MRPS27: variants seen among roughly 807,000 people sequenced by gnomAD.
MRPS27 encodes the protein mitochondrial ribosomal protein S27.
In MRPS27, 43 loss-of-function variants were observed where a neutral mutation model predicts 48.9. That is an observed-to-expected ratio of 0.88 (90% CI 0.69 to 1.13). The LOEUF (loss-of-function observed/expected upper bound fraction) is 1.13, where lower values mean the gene tolerates loss of function less well. Ranked by LOEUF, MRPS27 falls within the 50% of genes most tolerant of loss-of-function variation. The pLI is 0.00. For synonymous variants in MRPS27, 188 were observed against 171.9 expected (o/e 1.09, Z -0.73); for missense variants, 467 against 476.3 (o/e 0.98, Z 0.18).
chr5:72,266,620 G>A (rs752087425), intron 4 of MRPS27, among the ~76,000 whole-genome samples: 13 of 152,234 alleles, frequency 8.5e-5, no homozygotes, highest in Non-Finnish European at 1.5e-4. Flanking sequence ...AGCACTTTGG[G>A]AGGCCGAGGT....
At chr5:72,252,448 T>C (rs1382054470) in intron 4 of MRPS27, among the ~76,000 whole-genome samples, 2 of 152,220 alleles carry the variant, frequency 1.3e-5, no homozygotes, top group Admixed American at 1.3e-4. Context: ...ATGATGATGA[T>C]AATTAACTAA....
At chr5:72,238,489 T>C (rs966761705) in intron 4 of MRPS27, among the ~76,000 whole-genome samples, 23 of 152,180 alleles carry the variant, frequency 1.5e-4, no homozygotes, top group Non-Finnish European at 7.3e-5. Context: ...AGCTGAAACT[T>C]TGGAAGTTTA....
intron 4 of MRPS27, among the ~76,000 whole-genome samples, chr5:72,276,033 G>C (rs1035342119): frequency 2.0e-5 from 3 of 151,932 alleles, no homozygotes; most frequent in African/African-American, 4.8e-5. Flanking sequence ...GTGTGTGTGG[G>C]GGGGGTACTA....
intron 4 of MRPS27, among the ~76,000 whole-genome samples, chr5:72,282,347 C>T (rs953628606): frequency 1.1e-4 from 17 of 152,224 alleles, no homozygotes; most frequent in South Asian, 4.2e-4. Context: ...GTTTCTGAAA[C>T]GATCTCTTAA....
intron 4 of MRPS27, among the ~76,000 whole-genome samples, chr5:72,257,135 T>C (rs1366365112): frequency 6.6e-6 from 1 of 152,214 alleles, no homozygotes. Context: ...ATTTTATTTA[T>C]AATTGTAATG....
chr5:72,265,815 G>A lies in MRPS27; in HGVS notation c.282-27687C>T, dbSNP rs868345531. Among the ~76,000 whole-genome samples the A allele has an allele frequency of 2.0e-5, 3 of 152,312 alleles. No individual in the cohort carries two copies. The South Asian group carries it at 6.2e-4, about 32-fold the overall frequency. ...ACAAGGAATGTTGACTGTCTTAATT[G>A]AAAAAGAAGCCTGGCTCTGTTACGA... On this transcript the variant is annotated intron_variant, in intron 4 of 10. Coordinates refer to ENST00000261413, the MANE Select transcript of MRPS27 (RefSeq NM_015084.3).
In MRPS27 at chr5:72,225,999, G is replaced by T; in HGVS notation, c.837+58C>A. On this transcript the variant is annotated intron_variant, in intron 9 of 10. Transcript: ENST00000261413. Reference sequence around the variant, plus strand: ...GAAAGACAATGAAAACAAATTTAAAGCTCAGGTTATGGGAAACAGATGGCT... The same window carrying T: ...GAAAGACAATGAAAACAAATTTAAATCTCAGGTTATGGGAAACAGATGGCT... The T allele has an allele frequency of 2.6e-6, 4 of 1,550,530 alleles. 1 individual carries two copies. The South Asian group carries it at 4.8e-5, about 19-fold the overall frequency.
At chr5:72,312,748 G>A (rs1420186281) in intron 2 of MRPS27, among the ~76,000 whole-genome samples, 1 of 151,654 alleles carries the variant, frequency 6.6e-6, no homozygotes, top group African/African-American at 2.4e-5. Flanking sequence ...AGCCTCCGGA[G>A]TAGCTGGGAT....
intron 10 of MRPS27, among the ~76,000 whole-genome samples, chr5:72,222,986 CAAG>C (rs1484435952): frequency 6.6e-6 from 1 of 152,102 alleles, no homozygotes; most frequent in African/African-American, 2.4e-5. Context: ...TTTGCTGTAC[CAAG>C]AATTCCCATT....
chr5:72,304,075 A>G (rs1750193539), intron 2 of MRPS27, among the ~76,000 whole-genome samples: 1 of 152,108 alleles, frequency 6.6e-6, no homozygotes. Flanking sequence ...ATTATTAGAC[A>G]AGAGCATATG....
At chr5:72,226,377 G>C (rs986627651) in intron 8 of MRPS27, 178 bp from the exon 9 acceptor site, 2 of 661,060 alleles carry the variant, frequency 3.0e-6, no homozygotes, top group South Asian at 2.2e-5. Context: ...GGATAATGAC[G>C]AATGTGGTAA....
At chr5:72,300,448 C>T (rs1319866870) in intron 2 of MRPS27, among the ~76,000 whole-genome samples, 5 of 152,190 alleles carry the variant, frequency 3.3e-5, no homozygotes, top group African/African-American at 1.2e-4. Context: ...CTCCCTTTAA[C>T]TCCAGACTTG....
At chr5:72,278,450 A>C (rs1283293083) in intron 4 of MRPS27, among the ~76,000 whole-genome samples, 1 of 151,986 alleles carries the variant, frequency 6.6e-6, no homozygotes, top group African/African-American at 2.4e-5. Flanking sequence ...CTCAAAAAAA[A>C]AAAAAAAAAA....
At chr5:72,261,103 A>G (rs1360995809) in intron 4 of MRPS27, among the ~76,000 whole-genome samples, 3 of 152,120 alleles carry the variant, frequency 2.0e-5, no homozygotes, top group Non-Finnish European at 4.4e-5. Context: ...GCCTCAAGTG[A>G]TCCGCCCACC....
chr5:72,262,350 G>A (rs1749004105), intron 4 of MRPS27, among the ~76,000 whole-genome samples: 1 of 151,986 alleles, frequency 6.6e-6, no homozygotes, highest in Non-Finnish European at 1.5e-5. Context: ...TCTATGCTGA[G>A]GTTTTTTGTG....
intron 4 of MRPS27, among the ~76,000 whole-genome samples, chr5:72,240,644 C>T (rs567330062): frequency 1.3e-5 from 2 of 152,182 alleles, no homozygotes; most frequent in Non-Finnish European, 2.9e-5. Flanking sequence ...GATCAGCAGA[C>T]CACTTTTAGG....
At chr5:72,283,078 G>C (rs1749572622) in intron 4 of MRPS27, among the ~76,000 whole-genome samples, 1 of 152,120 alleles carries the variant, frequency 6.6e-6, no homozygotes, top group Non-Finnish European at 1.5e-5. Context: ...GCTATGGGAA[G>C]TGCCTTGGGA....
chr5:72,298,680 T>G (rs1203664168), intron 2 of MRPS27, among the ~76,000 whole-genome samples: 2 of 124,508 alleles, frequency 1.6e-5, no homozygotes, highest in Non-Finnish European at 3.1e-5. Context: ...CAGTCCGCAG[T>G]CCGGCCTGGG....
intron 4 of MRPS27, among the ~76,000 whole-genome samples, chr5:72,260,809 A>C (rs1202372101): frequency 1.3e-5 from 2 of 152,236 alleles, no homozygotes; most frequent in African/African-American, 2.4e-5. Flanking sequence ...TGGGTCAACA[A>C]AATGCCAAGT....
Sources: allele counts gnomAD v4.1 joint callset (sites outside exome capture counted in the v4.1 genomes callset), GRCh38; gene constraint gnomAD v4.1.1; transcripts MANE v1.5; gene names NCBI Gene and HGNC (gene_info 2026-07-23, HGNC 2026-07-21).